OR51B5: variants seen among roughly 807,000 people sequenced by gnomAD.
OR51B5 encodes the protein olfactory receptor family 51 subfamily B member 5, also known as olfactory receptor 51B5.
For missense variants in OR51B5, 456 were observed against 374.6 expected (o/e 1.22, Z -1.79); for synonymous variants, 186 against 144.8 (o/e 1.28, Z -2.04).
intron 1 of OR51B5, among the ~76,000 whole-genome samples, chr11:5,424,698 A>G (rs1202829983): frequency 1.3e-5 from 2 of 151,858 alleles, no homozygotes; most frequent in African/African-American, 2.4e-5. Flanking sequence ...AGTGAAAGGC[A>G]GGGCCTGGCG....
At chr11:5,448,604 A>G (rs768571074) in intron 1 of OR51B5, among the ~76,000 whole-genome samples, 13 of 152,334 alleles carry the variant, frequency 8.5e-5, no homozygotes, top group Non-Finnish European at 1.9e-4. Flanking sequence ...CAAGTAAAAA[A>G]TGAGAAGAAG....
At chr11:5,485,191 G>C (rs989925871) in intron 1 of OR51B5, among the ~76,000 whole-genome samples, 2 of 152,066 alleles carry the variant, frequency 1.3e-5, no homozygotes, top group African/African-American at 4.8e-5. Flanking sequence ...AAAGAAAAAG[G>C]ATAAAAGAAT....
chr11:5,466,001 T>C (rs1179151340), intron 1 of OR51B5, among the ~76,000 whole-genome samples: 1 of 151,630 alleles, frequency 6.6e-6, no homozygotes, highest in Non-Finnish European at 1.5e-5. Flanking sequence ...CAAAAGAAAC[T>C]ATCATCAGAG....
chr11:5,497,920 T>C (rs1191579037), intron 1 of OR51B5, among the ~76,000 whole-genome samples: 2 of 152,168 alleles, frequency 1.3e-5, no homozygotes, highest in Non-Finnish European at 2.9e-5. Context: ...TCCAAGGAAA[T>C]GCATTTGACA....
intron 1 of OR51B5, among the ~76,000 whole-genome samples, chr11:5,411,347 A>C (rs1249951540): frequency 6.6e-6 from 1 of 152,250 alleles, no homozygotes; most frequent in Non-Finnish European, 1.5e-5. Flanking sequence ...GCAATAGGCT[A>C]CATCATATAG....
intron 1 of OR51B5, among the ~76,000 whole-genome samples, chr11:5,406,151 G>A (rs185298741): frequency 1.4e-4 from 21 of 152,264 alleles, no homozygotes; most frequent in Non-Finnish European, 1.8e-4. Flanking sequence ...TTCTGAGATT[G>A]CATAGTGAAT....
At chr11:5,466,003 T>C (rs971769265) in intron 1 of OR51B5, among the ~76,000 whole-genome samples, 3 of 151,560 alleles carry the variant, frequency 2.0e-5, no homozygotes, top group East Asian at 1.9e-4. Flanking sequence ...AAAGAAACTA[T>C]CATCAGAGTG....
intron 1 of OR51B5, among the ~76,000 whole-genome samples, chr11:5,467,766 T>C (rs1396788479): frequency 2.6e-5 from 4 of 152,238 alleles, no homozygotes; most frequent in Non-Finnish European, 5.9e-5. Flanking sequence ...CAGCCAACTA[T>C]GCTGCCAAGC....
chr11:5,376,832 A>G (rs547643247), intron 1 of OR51B5, among the ~76,000 whole-genome samples: 3 of 149,438 alleles, frequency 2.0e-5, no homozygotes, highest in South Asian at 2.2e-4. Flanking sequence ...CTTACCAACC[A>G]AAAAGAGTCC....
intron 1 of OR51B5, among the ~76,000 whole-genome samples, chr11:5,419,263 G>T (rs1043631608): frequency 3.3e-5 from 5 of 152,154 alleles, no homozygotes; most frequent in African/African-American, 1.2e-4. Flanking sequence ...ATCCAGGAAT[G>T]AAAATGTCTT....
chr11:5,369,261 A>G (rs1032090830), intron 1 of OR51B5, among the ~76,000 whole-genome samples: 7 of 152,198 alleles, frequency 4.6e-5, no homozygotes, highest in Non-Finnish European at 8.8e-5. Flanking sequence ...AGAAGAAGAT[A>G]TGTATGCCCA....
At chr11:5,412,417 T>G (rs1850162250) in intron 1 of OR51B5, among the ~76,000 whole-genome samples, 1 of 152,150 alleles carries the variant, frequency 6.6e-6, no homozygotes, top group Admixed American at 6.5e-5. Flanking sequence ...TTCATCTCAC[T>G]AGGGAGTGCC....
intron 1 of OR51B5, chr11:5,403,455 C>G: frequency 6.4e-6 from 3 of 471,662 alleles, no homozygotes; most frequent in South Asian, 3.1e-5. Flanking sequence ...CTTCTTCCCA[C>G]CTGTTGTCAA....
chr11:5,465,988 C>G (rs1177818182), intron 1 of OR51B5, among the ~76,000 whole-genome samples: 1 of 151,402 alleles, frequency 6.6e-6, no homozygotes, highest in African/African-American at 2.4e-5. Flanking sequence ...AGCTTCTGCA[C>G]AGCAAAAGAA....
intron 1 of OR51B5, chr11:5,392,958 A>G (rs1849819500): frequency 1.3e-5 from 2 of 152,252 alleles, no homozygotes; most frequent in African/African-American, 2.4e-5. Context: ...GCTGTTAAGT[A>G]TGTGGTAAAA....
At chr11:5,341,475 CCT>C (rs1480486386), downstream of OR51B5, 1 of 152,126 alleles carries the variant, frequency 6.6e-6, no homozygotes, top group African/African-American at 2.4e-5. Context: ...TATATAGTCC[CCT>C]CTCTTGTCTC....
intron 1 of OR51B5, chr11:5,351,467 C>T (rs1849084951): frequency 2.0e-6 from 3 of 1,510,234 alleles, no homozygotes; most frequent in Non-Finnish European, 1.8e-6. Context: ...ATTACTATTG[C>T]TTTACCTGGA....
At chr11:5,342,568 G>T, downstream of OR51B5, 2 of 1,552,594 alleles carry the variant, frequency 1.3e-6, no homozygotes, top group South Asian at 2.5e-5. Context: ...CTGTGAGAGT[G>T]ACTGTGATGA....
chr11:5,420,159 T>C (rs1346243591), intron 1 of OR51B5, among the ~76,000 whole-genome samples: 1 of 152,014 alleles, frequency 6.6e-6, no homozygotes, highest in African/African-American at 2.4e-5. Flanking sequence ...TATTTAAAAT[T>C]ATTTTATCAT....
Sources: gnomAD v4.1 joint callset for allele counts (sites outside exome capture counted in the v4.1 genomes callset) on GRCh38, gnomAD v4.1.1 for gene constraint, MANE v1.5 for transcripts, NCBI Gene and HGNC (gene_info 2026-07-23, HGNC 2026-07-21) for gene names.